MAPK10: variants seen among roughly 807,000 people sequenced by gnomAD.
MAPK10 encodes JNK3 alpha protein kinase.
MAPK10 carries 25 observed loss-of-function variants against 59.3 expected under a neutral mutation model. The ratio of observed to expected loss-of-function variants is 0.42; its 90% CI spans 0.31 to 0.59. The LOEUF is 0.59. Ranked by LOEUF, MAPK10 falls within the 20% of genes least tolerant of loss-of-function variation. The pLI is 0.15. For synonymous variants in MAPK10, 190 were observed against 200.5 expected (o/e 0.95, Z 0.44); for missense variants, 351 against 568.9 (o/e 0.62, Z 3.90).
intron 2 of MAPK10, among the ~76,000 whole-genome samples, chr4:86,330,102 T>C (rs1252383639): frequency 3.9e-5 from 6 of 152,192 alleles, no homozygotes; most frequent in Non-Finnish European, 8.8e-5. Context: ...AGAATCTGCA[T>C]GTGTGAGAAG....
At chr4:86,123,442 G>A (rs561537854) in intron 4 of MAPK10, among the ~76,000 whole-genome samples, 1 of 151,996 alleles carries the variant, frequency 6.6e-6, no homozygotes, top group African/African-American at 2.4e-5. Flanking sequence ...GCATATGGAA[G>A]TTGTAGTTTT....
At chr4:86,205,417 G>A (rs1167299565) in intron 2 of MAPK10, among the ~76,000 whole-genome samples, 1 of 151,864 alleles carries the variant, frequency 6.6e-6, no homozygotes, top group Admixed American at 6.6e-5. Context: ...ACACATGTAA[G>A]TATCTCTTGC....
chr4:86,501,114 GAAAAA>G (rs11341561), intron 1 of MAPK10, among the ~76,000 whole-genome samples: 5,697 of 87,882 alleles, frequency 0.065, 138 homozygotes, highest in African/African-American at 0.12. Flanking sequence ...TCTACGATCT[GAAAAA>G]AAAAAAAAAA....
intron 1 of MAPK10, among the ~76,000 whole-genome samples, chr4:86,480,336 G>T (rs189625149): frequency 6.6e-6 from 1 of 150,910 alleles, no homozygotes; most frequent in Admixed American, 6.6e-5. Context: ...ACTCCTGCCC[G>T]CCAGAGAACA....
intron 1 of MAPK10, among the ~76,000 whole-genome samples, chr4:86,584,123 G>T (rs1578183221): frequency 6.6e-6 from 1 of 152,160 alleles, no homozygotes; most frequent in South Asian, 2.1e-4. Context: ...TTGTGATATA[G>T]TGAACCCAAC....
At chr4:86,204,782 TA>T (rs1279990523) in intron 2 of MAPK10, among the ~76,000 whole-genome samples, 1 of 152,040 alleles carries the variant, frequency 6.6e-6, no homozygotes, top group Non-Finnish European at 1.5e-5. Context: ...TTCTTTTTAC[TA>T]AACAGTAGAC....
At chr4:86,028,892 T>A (rs1280838357) in intron 13 of MAPK10, 4 of 388,514 alleles carry the variant, frequency 1.0e-5, no homozygotes, top group South Asian at 9.0e-5. Flanking sequence ...AAGGGCATTA[T>A]GGCTCTGAAT....
At chr4:86,323,593 A>G (rs1445647611) in intron 2 of MAPK10, among the ~76,000 whole-genome samples, 1 of 152,248 alleles carries the variant, frequency 6.6e-6, no homozygotes, top group Non-Finnish European at 1.5e-5. Context: ...TACAAAATCT[A>G]GAAATTCCAG....
chr4:86,538,405 C>A (rs1758416630), intron 1 of MAPK10, among the ~76,000 whole-genome samples: 1 of 152,186 alleles, frequency 6.6e-6, no homozygotes, highest in African/African-American at 2.4e-5. Context: ...CTTGGCCTCC[C>A]AAAGTGCTGG....
At chr4:86,059,235 G>A (rs1439078848) in intron 11 of MAPK10, among the ~76,000 whole-genome samples, 2 of 152,178 alleles carry the variant, frequency 1.3e-5, no homozygotes, top group Non-Finnish European at 2.9e-5. Flanking sequence ...ATGTCAGATA[G>A]TAACTCTGCT....
At chr4:86,376,994 A>G (rs1739922839) in intron 1 of MAPK10, among the ~76,000 whole-genome samples, 1 of 152,212 alleles carries the variant, frequency 6.6e-6, no homozygotes, top group South Asian at 2.1e-4. Flanking sequence ...TCAGTGAAGC[A>G]CAATGGCTTT....
At chr4:86,507,116 A>G (rs1240523858) in intron 1 of MAPK10, among the ~76,000 whole-genome samples, 1 of 152,124 alleles carries the variant, frequency 6.6e-6, no homozygotes, top group East Asian at 1.9e-4. Context: ...ACAAATTATC[A>G]TACTGAATAT....
intron 1 of MAPK10, among the ~76,000 whole-genome samples, chr4:86,525,954 C>T (rs146419896): frequency 1.6e-3 from 244 of 152,218 alleles, no homozygotes; most frequent in Middle Eastern, 6.8e-3. Context: ...ATGGCAATAG[C>T]TTTCAAAAGA....
At chr4:86,547,561 C>T (rs112182065) in intron 1 of MAPK10, among the ~76,000 whole-genome samples, 7,197 of 152,256 alleles carry the variant, frequency 0.047, 220 homozygotes, top group African/African-American at 0.059. Context: ...GCTCCTGTGC[C>T]GCGGAGCCTC....
intron 2 of MAPK10, among the ~76,000 whole-genome samples, chr4:86,239,613 T>C (rs1468435865): frequency 6.6e-6 from 1 of 152,146 alleles, no homozygotes; most frequent in Non-Finnish European, 1.5e-5. Context: ...CTGTTTCTTC[T>C]AGATTTTCTA....
intron 4 of MAPK10, among the ~76,000 whole-genome samples, chr4:86,153,072 A>G (rs1300123697): frequency 6.6e-6 from 1 of 152,200 alleles, no homozygotes; most frequent in African/African-American, 2.4e-5. Flanking sequence ...AAAAAATAGT[A>G]TATGGACTAT....
chr4:86,077,592 T>C (rs1266758033), intron 9 of MAPK10, among the ~76,000 whole-genome samples: 2 of 152,190 alleles, frequency 1.3e-5, no homozygotes, highest in Non-Finnish European at 2.9e-5. Context: ...TCTTCTATCA[T>C]TGATTGCTTT....
intron 2 of MAPK10, among the ~76,000 whole-genome samples, chr4:86,292,668 T>G (rs1462019383): frequency 6.6e-6 from 1 of 152,194 alleles, no homozygotes; most frequent in African/African-American, 2.4e-5. Context: ...GCAGTAGCTA[T>G]GATCGCACCA....
rs919424231 is a variant in MAPK10, at chr4:86,230,943, C to T, written c.-6-36536G>A. Among the ~76,000 whole-genome samples the T allele has an allele frequency of 5.3e-5, 8 of 152,192 alleles. No individual in the cohort carries two copies. The East Asian group carries it at 1.4e-3, about 26-fold the overall frequency. On this transcript the variant is annotated intron_variant, in intron 2 of 13. Transcript: ENST00000641462. ...ATTTAACAGCTCTGGGAAGAATGGT[C>T]TAAAAATCTAGACCGGGGATAACTG... is the stretch of plus-strand genomic sequence containing the variant.
Sources: allele counts gnomAD v4.1 joint callset (sites outside exome capture counted in the v4.1 genomes callset), GRCh38; gene constraint gnomAD v4.1.1; transcripts MANE v1.5; gene names NCBI Gene and HGNC (gene_info 2026-07-23, HGNC 2026-07-21).